Variants in MYH15 observed in about 807,000 individuals in gnomAD.
The protein encoded by MYH15 is myosin heavy chain 15, also known as myosin-15.
Under a neutral mutation model 240.5 loss-of-function variants are expected in MYH15, and 227 were observed. The observed-to-expected ratio is 0.94, with a 90% confidence interval of 0.85 to 1.05. The LOEUF (loss-of-function observed/expected upper bound fraction) is 1.05. MYH15 is among the 50% of genes least tolerant of loss of function. MYH15 has a pLI of 0.00. For synonymous variants in MYH15, 785 were observed against 796.7 expected (o/e 0.99, Z 0.25); for missense variants, 2,217 against 2,247.5 (o/e 0.99, Z 0.27).
intron 33 of MYH15, among the ~76,000 whole-genome samples, chr3:108,402,073 T>C (rs2082509773): frequency 6.6e-6 from 1 of 152,220 alleles, no homozygotes; most frequent in Admixed American, 6.5e-5. Context: ...CAGTAGGTCA[T>C]TTATTTCCCT....
At chr3:108,546,162 C>G in the MYH15 span, among the ~76,000 whole-genome samples, 9 of 152,108 alleles carry the variant, frequency 5.9e-5, no homozygotes, top group Non-Finnish European at 1.3e-4. Context: ...CTCTAAAATG[C>G]TGATTAACTG....
chr3:108,548,549 T>C, the MYH15 span, among the ~76,000 whole-genome samples: 7 of 152,086 alleles, frequency 4.6e-5, no homozygotes, highest in Admixed American at 1.3e-4. Flanking sequence ...AGAAACTATG[T>C]TCCAGAAAGC....
At chr3:108,386,406 A>T (rs114700404) in intron 38 of MYH15, among the ~76,000 whole-genome samples, 2 of 152,084 alleles carry the variant, frequency 1.3e-5, no homozygotes, top group Admixed American at 6.6e-5. Context: ...TGAGAAGTGC[A>T]GTTACCTGAT....
chr3:108,407,638 C>A (rs2082556685), intron 32 of MYH15, among the ~76,000 whole-genome samples: 1 of 152,170 alleles, frequency 6.6e-6, no homozygotes, highest in South Asian at 2.1e-4. Context: ...GATGAGCTTT[C>A]AGAAACAAAT....
At position 108,410,028 on chromosome 3, in the gene MYH15, GT is replaced by G. The variant is rs1314932092; in HGVS notation, c.4495+554del. 2.0e-5 allele frequency among the ~76,000 whole-genome samples: 3 copies of G among 152,164 alleles called. No individual in the cohort carries two copies. The South Asian group carries it at 6.2e-4, about 32-fold the overall frequency. ...AGTTAAGTGCGTATATGCTGGAGCC[GT>G]GCTGGCTGGGCTCAAATCCCAGATC... On this transcript the variant is annotated intron_variant, in intron 31 of 40. Transcript: ENST00000693548.
At chr3:108,436,037 C>T (rs1186360331) in intron 25 of MYH15, among the ~76,000 whole-genome samples, 1 of 152,048 alleles carries the variant, frequency 6.6e-6, no homozygotes, top group Non-Finnish European at 1.5e-5. Context: ...ATTTCTCTCA[C>T]CTCAGGAAAT....
At chr3:108,449,738 A>G (rs1022919928) in intron 21 of MYH15, among the ~76,000 whole-genome samples, 2 of 152,124 alleles carry the variant, frequency 1.3e-5, no homozygotes, top group African/African-American at 4.8e-5. Context: ...ATGGGATTAC[A>G]TCAAACTAAA....
At chr3:108,473,660 C>CTATA (rs2083195787) in intron 12 of MYH15, among the ~76,000 whole-genome samples, 1 of 152,140 alleles carries the variant, frequency 6.6e-6, no homozygotes, top group Non-Finnish European at 1.5e-5. Flanking sequence ...AGTACATCAC[C>CTATA]TATAGTTAGT....
At chr3:108,528,493 C>A (rs1385098999) in intron 1 of MYH15, among the ~76,000 whole-genome samples, 1 of 152,272 alleles carries the variant, frequency 6.6e-6, no homozygotes, top group East Asian at 1.9e-4. Context: ...CTGCACTCTG[C>A]CATGGGTTTT....
At chr3:108,499,980 A>G (rs921307775) in intron 4 of MYH15, 138 bp downstream of exon 4, 5 of 1,016,276 alleles carry the variant, frequency 4.9e-6, no homozygotes, top group Non-Finnish European at 5.6e-6. Context: ...CATTTTATCC[A>G]GAAGGAAACA....
chr3:108,514,094 AG>A (rs1559674052), upstream of MYH15, among the ~76,000 whole-genome samples: 1 of 152,204 alleles, frequency 6.6e-6, no homozygotes, highest in African/African-American at 2.4e-5. Context: ...TAGCCAAGAA[AG>A]AATCATGTTG....
chr3:108,517,325 AG>A (rs1176513421), intron 1 of MYH15, among the ~76,000 whole-genome samples: 1 of 152,036 alleles, frequency 6.6e-6, no homozygotes, highest in African/African-American at 2.4e-5. Flanking sequence ...GATCCAGAGA[AG>A]AACTTCTGAT....
chr3:108,488,281 T>G (rs76569946), intron 9 of MYH15, among the ~76,000 whole-genome samples: 11,519 of 152,218 alleles, frequency 0.076, 523 homozygotes, highest in South Asian at 0.17. Context: ...TCATTCATGT[T>G]GCCATACTTG....
At chr3:108,496,448 A>G (rs1367733439) in intron 6 of MYH15, among the ~76,000 whole-genome samples, 1 of 152,186 alleles carries the variant, frequency 6.6e-6, no homozygotes, top group Non-Finnish European at 1.5e-5. Flanking sequence ...CCATATCTAC[A>G]TGGCTTTGTT....
intron 20 of MYH15, 122 bp from the exon 21 acceptor site, chr3:108,454,264 G>T: frequency 8.1e-6 from 7 of 864,312 alleles, no homozygotes; most frequent in South Asian, 7.4e-5. Flanking sequence ...TTTCTTGTAA[G>T]TTTTATTTAA....
At chr3:108,521,120 T>C (rs1359679922) in intron 1 of MYH15, among the ~76,000 whole-genome samples, 3 of 152,064 alleles carry the variant, frequency 2.0e-5, no homozygotes, top group Non-Finnish European at 4.4e-5. Context: ...CTTTAATTTC[T>C]TCCCCCCTCC....
At position 108,410,712 on chromosome 3, in the gene MYH15, G is replaced by A. The variant is rs761597478; in HGVS notation, c.4366C>T (p.Gln1456Ter). 5.0e-6 allele frequency: 8 copies of A among 1,614,058 alleles called. No individual in the cohort carries two copies. Among genetic ancestry groups the A allele is most frequent in the East Asian group, 4.5e-5 (2 of 44,884 alleles). Residue 1456 changes from glutamine (Q) to a stop codon, truncating the protein, a stop_gained, in exon 31 of 41, where the codon CAG (glutamine) becomes TAG (stop). Transcript: ENST00000693548. LOFTEE classifies it high-confidence loss of function. ...TTCTGAGAGGCATCCAGCAACGCCT[G>A]GGACTCCTCGTGCTTCTGCTTCCAG... ...ADWKQKHEES[Q>*]ALLDASQKEV...
intron 38 of MYH15, among the ~76,000 whole-genome samples, 153 bp downstream of exon 38, chr3:108,388,817 G>A (rs1051742479): frequency 2.0e-5 from 3 of 152,158 alleles, no homozygotes; most frequent in Non-Finnish European, 4.4e-5. Flanking sequence ...TAGCACAGGA[G>A]CTCTGGGAGG....
rs1361058676 is a variant in MYH15 at position 108,456,755 on chromosome 3, T to C, written c.2138+11A>G. 1.3e-6 allele frequency: 2 copies of C among 1,582,230 alleles called. No homozygotes were observed. The highest frequency in any genetic ancestry group is 1.7e-6 in the Non-Finnish European group (2 of 1,151,464). On this transcript the variant is annotated intron_variant, in intron 19 of 40. Coordinates refer to ENST00000693548, the MANE Select transcript of MYH15 (RefSeq NM_014981.3). ...GCCTCAGGCTTCTTGGATCCTAGAA[T>C]GTAGGTTTACCTTTGTTTAAAATCA...
Sources: allele counts gnomAD v4.1 joint callset (sites outside exome capture counted in the v4.1 genomes callset), GRCh38; gene constraint gnomAD v4.1.1; transcripts MANE v1.5; gene names NCBI Gene and HGNC (gene_info 2026-07-23, HGNC 2026-07-21).